Variants in PARD3B observed in about 807,000 individuals in gnomAD.
The protein encoded by PARD3B is par-3 family cell polarity regulator beta.
A neutral mutation model predicts 130.2 loss-of-function variants in PARD3B; 103 were observed. The observed-to-expected ratio is 0.79, with a 90% CI of 0.67 to 0.93. The LOEUF (loss-of-function observed/expected upper bound fraction) is 0.93, where lower values mean the gene tolerates loss of function less well. Among genes scored for constraint, PARD3B ranks in the 40% least tolerant of loss-of-function variants. The pLI is 0.00. For missense variants in PARD3B, 1,609 were observed against 1,499.2 expected (o/e 1.07, Z -1.21); for synonymous variants, 583 against 553.2 (o/e 1.05, Z -0.76).
At chr2:205,503,770 G>A (rs1444582701) in intron 21 of PARD3B, among the ~76,000 whole-genome samples, 1 of 152,020 alleles carries the variant, frequency 6.6e-6, no homozygotes, top group East Asian at 1.9e-4. Context: ...TGGGCAGTAT[G>A]GCCATTTTCA....
intron 15 of PARD3B, among the ~76,000 whole-genome samples, chr2:205,198,451 C>CT (rs1256571835): frequency 6.6e-6 from 1 of 152,200 alleles, no homozygotes; most frequent in Non-Finnish European, 1.5e-5. Context: ...AATAGGTTGG[C>CT]TGACTTCCTT....
chr2:204,844,213 AATT>A, intron 2 of PARD3B, among the ~76,000 whole-genome samples: 1 of 152,126 alleles, frequency 6.6e-6, no homozygotes, highest in East Asian at 1.9e-4. Flanking sequence ...GGAATTATGT[AATT>A]ATTATTTCTG....
intron 1 of PARD3B, among the ~76,000 whole-genome samples, chr2:204,576,975 A>G (rs769056684): frequency 6.6e-6 from 1 of 152,206 alleles, no homozygotes; most frequent in Admixed American, 6.5e-5. Flanking sequence ...CATTGACTTC[A>G]TAATTCTACC....
intron 20 of PARD3B, among the ~76,000 whole-genome samples, chr2:205,451,566 T>G (rs1559107522): frequency 6.6e-6 from 1 of 152,148 alleles, no homozygotes; most frequent in East Asian, 1.9e-4. Context: ...ATATTCTTAT[T>G]AACTCCCTGT....
chr2:205,098,223 T>G (rs1197082728), intron 4 of PARD3B, among the ~76,000 whole-genome samples: 1 of 152,208 alleles, frequency 6.6e-6, no homozygotes, highest in Non-Finnish European at 1.5e-5. Context: ...AACATTCATG[T>G]GTATTTTCAA....
rs776213727 is a variant in PARD3B, at chr2:205,615,661, C to T, written c.3466C>T (p.Arg1156Ter). ...AGCTCCCCAGCACAAAGGACCCTTTCGACAAGACGTTCCGCCTTCCCCTCC... is the reference window on the plus strand; with the variant it reads ...AGCTCCCCAGCACAAAGGACCCTTTTGACAAGACGTTCCGCCTTCCCCTCC... ...PPAPQHKGPFRQDVPPSPPQH... is the reference protein window; with the variant it reads ...PPAPQHKGPF The change falls in exon 23 of 23, where the codon CGA becomes TGA. Residue 1156 changes from arginine to a stop codon, truncating the protein, a stop_gained. Transcript: ENST00000406610. LOFTEE classifies it high-confidence loss of function. 10 of 1,613,976 alleles carry T rather than the reference C, an allele frequency of 6.2e-6. No individual in the cohort carries two copies. The highest frequency in any genetic ancestry group is 2.7e-5 in the African/African-American group (2 of 75,002).
intron 2 of PARD3B, among the ~76,000 whole-genome samples, chr2:204,777,178 G>T (rs2041656928): frequency 6.6e-6 from 1 of 152,200 alleles, no homozygotes; most frequent in African/African-American, 2.4e-5. Flanking sequence ...AGTTTACCCA[G>T]TAGAGACCAA....
intron 1 of PARD3B, among the ~76,000 whole-genome samples, chr2:204,608,150 A>AG (rs1171479144): frequency 2.6e-5 from 4 of 152,182 alleles, no homozygotes; most frequent in African/African-American, 4.8e-5. Context: ...GACAGGCAAC[A>AG]GGGGGGAATT....
intron 3 of PARD3B, among the ~76,000 whole-genome samples, chr2:205,009,687 A>T (rs907752062): frequency 6.8e-6 from 1 of 146,422 alleles, no homozygotes; most frequent in Non-Finnish European, 1.5e-5. Flanking sequence ...AAAAAAAAAA[A>T]TAGTGTACAC....
chr2:205,275,425 C>G (rs574556078), intron 16 of PARD3B, among the ~76,000 whole-genome samples: 78 of 152,272 alleles, frequency 5.1e-4, no homozygotes, highest in African/African-American at 1.8e-3. Flanking sequence ...TCACCACCCT[C>G]TTTAGATTAC....
intron 1 of PARD3B, among the ~76,000 whole-genome samples, chr2:204,562,055 T>C (rs965237485): frequency 1.3e-5 from 2 of 152,048 alleles, no homozygotes; most frequent in African/African-American, 2.4e-5. Context: ...AGTATCTACA[T>C]ACACACACAC....
chr2:205,387,648 T>C (rs1251571055), intron 18 of PARD3B, among the ~76,000 whole-genome samples: 1 of 152,156 alleles, frequency 6.6e-6, no homozygotes, highest in African/African-American at 2.4e-5. Context: ...AAAGCACAAA[T>C]ACTGTGGGTT....
In PARD3B at chr2:205,301,332, C is replaced by T. The variant is rs567914534; in HGVS notation, c.2393-132C>T. ...GGCAGTCAGATCTTCAAAGGGCGCA[C>T]GTAACCACATAGAAGGGTAGAACTA... On this transcript the variant is annotated intron_variant, in intron 17 of 22. Transcript: ENST00000406610. The surrounding 1 kb of genome is among the most constrained non-coding windows in gnomAD (Gnocchi z 5.2). 3.7e-5 allele frequency: 53 copies of T among 1,447,768 alleles called. No individual in the cohort carries two copies. Among genetic ancestry groups the T allele is most frequent in the South Asian group, 2.6e-4 (18 of 67,968 alleles). 89.7% of individuals were successfully genotyped at this position (1,447,768 alleles called of 1,614,324 possible). A position where few individuals can be genotyped will look rare whatever the true frequency, so the allele number is the denominator to read the frequency against.
chr2:205,238,849 A>AAAAAATATATAT lies in PARD3B; in HGVS notation c.2141-6928_2141-6927insAAAATATATATA, dbSNP rs1273582854. On this transcript the variant is annotated intron_variant, in intron 15 of 22. Coordinates refer to ENST00000406610, the MANE Select transcript of PARD3B (RefSeq NM_001302769.2). ...AAACTCCGTTTCAAAAAAAAAAAAA[A>AAAAAATATATAT]ATATATATATATATATATATATATA... Among the ~76,000 whole-genome samples, 73 of 76,874 alleles carry AAAAAATATATAT rather than the reference A, an allele frequency of 9.5e-4. 2 individuals carry two copies. Among genetic ancestry groups the AAAAAATATATAT allele is most frequent in the Non-Finnish European group, 1.4e-3 (61 of 43,300 alleles). 50.4% of individuals were successfully genotyped at this position (76,874 alleles called of 152,430 possible). A position where few individuals can be genotyped will look rare whatever the true frequency, so the allele number is the denominator to read the frequency against.
At chr2:204,801,455 T>A (rs1224785451) in intron 2 of PARD3B, among the ~76,000 whole-genome samples, 1 of 152,176 alleles carries the variant, frequency 6.6e-6, no homozygotes, top group African/African-American at 2.4e-5. Context: ...TATACCTAGG[T>A]ATTTTATTCT....
chr2:205,260,809 G>A (rs1360791919), intron 16 of PARD3B, among the ~76,000 whole-genome samples: 3 of 152,014 alleles, frequency 2.0e-5, no homozygotes, highest in Admixed American at 6.6e-5. Context: ...GACTGGCTTT[G>A]CTTAAGGAAA....
intron 2 of PARD3B, among the ~76,000 whole-genome samples, chr2:204,918,507 G>A (rs1316044702): frequency 6.6e-6 from 1 of 150,834 alleles, no homozygotes; most frequent in African/African-American, 2.4e-5. Flanking sequence ...GCGGGCGCCT[G>A]TAGTCCCAGC....
Position 205,146,149 on chromosome 2 carries a change from A to C in PARD3B, c.1435-12573A>C, listed in dbSNP as rs1369118837. 1.3e-5 allele frequency among the ~76,000 whole-genome samples: 2 copies of C among 152,206 alleles called. No individual in the cohort carries two copies. Among genetic ancestry groups the C allele is most frequent in the Non-Finnish European group, 2.9e-5 (2 of 68,042 alleles). ...AGCAGGCACCGTAGCCCATGTACTC[A>C]CTTTAATGAGATGCTCTGTACTGTC... On this transcript the variant is annotated intron_variant, in intron 10 of 22. Coordinates refer to ENST00000406610, the MANE Select transcript of PARD3B (RefSeq NM_001302769.2). The surrounding 1 kb of genome is among the most constrained non-coding windows in gnomAD (Gnocchi z 4.3).
At chr2:205,381,068 A>G (rs1191530754) in intron 18 of PARD3B, among the ~76,000 whole-genome samples, 1 of 35,874 alleles carries the variant, frequency 2.8e-5, no homozygotes, top group East Asian at 5.8e-4. Flanking sequence ...AAGAATATAT[A>G]TTATATATAT....
Sources: allele counts gnomAD v4.1 joint callset (sites outside exome capture counted in the v4.1 genomes callset), GRCh38; gene constraint gnomAD v4.1.1; non-coding constraint Gnocchi (gnomAD v3.1); transcripts MANE v1.5; gene names NCBI Gene and HGNC (gene_info 2026-07-23, HGNC 2026-07-21).